Variants in KIAA1210 observed in about 807,000 individuals in gnomAD.
KIAA1210 encodes KIAA1210, also known as acrosomal protein KIAA1210.
Under a neutral mutation model 78.9 loss-of-function variants are expected in KIAA1210, and 48 were observed. The ratio of observed to expected loss-of-function variants is 0.61; its 90% CI spans 0.48 to 0.77. The LOEUF is 0.77. Ranked by LOEUF, KIAA1210 falls within the 30% of genes least tolerant of loss-of-function variation. KIAA1210 has a pLI of 0.00. For synonymous variants in KIAA1210, 406 were observed against 404.5 expected (o/e 1.00, Z -0.04); for missense variants, 1,108 against 1,100.0 (o/e 1.01, Z -0.10).
chrX:119,148,138 T>C (rs1929212327), intron 1 of KIAA1210, among the ~76,000 whole-genome samples: 1 of 111,035 alleles, frequency 9.0e-6, no homozygotes, highest in Admixed American at 9.6e-5. Context: ...AGAGACCCTG[T>C]TCAAAAACAA....
At chrX:119,105,429 G>C (rs775187570) in intron 5 of KIAA1210, among the ~76,000 whole-genome samples, 1 of 112,070 alleles carries the variant, frequency 8.9e-6, no homozygotes, top group Admixed American at 9.5e-5. Context: ...TTGCTTGTTC[G>C]TGCAAGATCA....
rs976268343 is a variant in KIAA1210 at position 119,079,480 on chromosome X, G to C, written c.*1849C>G. Reference sequence around the variant, plus strand: ...GAAAGGAAGATTTAACTAACTTCTAGTGAACCTAGATGAGATTCTAGGGTG... The same window carrying C: ...GAAAGGAAGATTTAACTAACTTCTACTGAACCTAGATGAGATTCTAGGGTG... On this transcript the variant is annotated 3_prime_UTR_variant, in exon 12 of 12. Coordinates refer to ENST00000691062, the MANE Select transcript of KIAA1210 (RefSeq NM_001394962.1). 6.2e-5 allele frequency: 7 copies of C among 112,125 alleles called. No individual in the cohort carries two copies. In the East Asian group the frequency reaches 2.0e-3, roughly 31 times the overall value. The allele number at this position is 112,125 out of a possible 1,213,427, so 9.2% of individuals were successfully genotyped here.
chrX:119,125,072 G>A (rs1190316406), intron 1 of KIAA1210, among the ~76,000 whole-genome samples: 1 of 111,760 alleles, frequency 8.9e-6, no homozygotes, highest in Non-Finnish European at 1.9e-5. Context: ...CTACAAAGCA[G>A]TTAGCAGAAA....
rs1413524372 is a variant in KIAA1210, at chrX:119,093,261, A to G, written c.955+406T>C. Among the ~76,000 whole-genome samples the G allele has an allele frequency of 2.7e-5, 3 of 112,132 alleles. No individual in the cohort carries two copies. The East Asian group carries it at 8.4e-4, about 31-fold the overall frequency. On this transcript the variant is annotated intron_variant, in intron 8 of 11. Coordinates refer to ENST00000691062, the MANE Select transcript of KIAA1210 (RefSeq NM_001394962.1). ...CTTTAAAAAAATGATTTTTTGGCCA[A>G]TTCTATTATTCCTTTCTGGTTCTGC...
At position 119,089,029 on chromosome X, in the gene KIAA1210, G is replaced by A; in HGVS notation, c.1673C>T (p.Ser558Phe). 1 of 1,211,925 alleles carries A rather than the reference G, an allele frequency of 8.3e-7. No homozygotes were observed. The highest frequency in any genetic ancestry group is 1.1e-6 in the Non-Finnish European group (1 of 895,388). ...DVQTICKEKP[S>F]GNVHQTFTAS... is the part of the protein sequence containing the mutation. The stretch of plus-strand genomic sequence containing the variant: ...TGTAAAGGTCTGGTGAACATTTCCA[G>A]AAGGCTTTTCTTTGCAGATAGTTTG... Residue 558 changes from serine (S) to phenylalanine (F), a missense_variant, in exon 9 of 12, where the codon TCT (serine) becomes TTT (phenylalanine). Ser to Phe is a radical substitution (Grantham distance 155, BLOSUM62 -2). Coordinates refer to ENST00000691062, the MANE Select transcript of KIAA1210 (RefSeq NM_001394962.1).
In KIAA1210 at chrX:119,088,489, G is replaced by A. The variant is rs1294480766; in HGVS notation, c.2213C>T (p.Pro738Leu). The A allele has an allele frequency of 8.3e-7, 1 of 1,209,096 alleles. No homozygotes were observed. The highest frequency in any genetic ancestry group is 1.1e-6 in the Non-Finnish European group (1 of 894,935). Reference protein sequence around the residue: ...DFMQQLPSRCPSQPIMNPTVQ... With the variant: ...DFMQQLPSRCLSQPIMNPTVQ... The stretch of plus-strand genomic sequence containing the variant: ...AGTAGGATTCATAATGGGCTGAGAA[G>A]GGCATCTGGAAGGCAGCTGCTGCAT... The change falls in exon 9 of 12, where the codon CCT becomes CTT. Residue 738 changes from proline (P) to leucine (L), a missense_variant. Around this residue, in one of 5 missense-constraint regions of KIAA1210, gnomAD observed 672 missense variants for 607.1 expected, o/e 1.11. Transcript: ENST00000691062.
chrX:119,089,223 G>C lies in KIAA1210; in HGVS notation c.1479C>G (p.Leu493=). Residue 493 remains leucine (L), a synonymous_variant, in exon 9 of 12, where the codon CTC becomes CTG. Coordinates refer to ENST00000691062, the MANE Select transcript of KIAA1210 (RefSeq NM_001394962.1). ...GAEKTEARAS[L]SLMVESLSTT... ...TAGAAAGGCTTTCCACCATCAGTGA[G>C]AGAGAAGCTCTGGCTTCTGTCTTCT... The C allele has an allele frequency of 8.3e-7, 1 of 1,211,486 alleles. No homozygotes were observed. The highest frequency in any genetic ancestry group is 1.1e-6 in the Non-Finnish European group (1 of 895,285).
rs1927242837 is a variant in KIAA1210, at chrX:119,088,492, C to A, written c.2210G>T (p.Cys737Phe). 4 of 1,209,314 alleles carry A rather than the reference C, an allele frequency of 3.3e-6. No homozygotes were observed. The highest frequency in any genetic ancestry group is 3.5e-5 in the African/African-American group (2 of 57,029). ...NDFMQQLPSR[C>F]PSQPIMNPTV... ...AGGATTCATAATGGGCTGAGAAGGGCATCTGGAAGGCAGCTGCTGCATAAA... is the reference window on the plus strand; with the variant it reads ...AGGATTCATAATGGGCTGAGAAGGGAATCTGGAAGGCAGCTGCTGCATAAA... The change falls in exon 9 of 12, where the codon TGC (cysteine) becomes TTC (phenylalanine). Residue 737 changes from cysteine (C) to phenylalanine (F), a missense_variant. By Grantham distance (205) the Cys-to-Phe change is radical. Transcript: ENST00000691062.
chrX:119,083,144 A>G (rs1217870363), intron 10 of KIAA1210, 24 bp from the exon 11 acceptor site: 2 of 1,129,531 alleles, frequency 1.8e-6, no homozygotes, highest in Non-Finnish European at 2.4e-6. Flanking sequence ...ATGAAAACAG[A>G]AAGCTTGTAA....
chrX:119,098,604 CAA>C (rs747325732), intron 6 of KIAA1210, among the ~76,000 whole-genome samples: 80 of 39,804 alleles, frequency 2.0e-3, no homozygotes, highest in African/African-American at 5.0e-3. Context: ...GAGACTCCGT[CAA>C]AAAAAAAAAA....
chrX:119,147,678 G>T (rs1929200564), intron 1 of KIAA1210: 2 of 978,482 alleles, frequency 2.0e-6, no homozygotes, highest in Non-Finnish European at 2.9e-6. Flanking sequence ...GCTAGCCCTG[G>T]GCCACAAGAT....
intron 7 of KIAA1210, among the ~76,000 whole-genome samples, chrX:119,095,563 T>G (rs1232312469): frequency 9.0e-6 from 1 of 111,095 alleles, no homozygotes; most frequent in East Asian, 2.8e-4. Flanking sequence ...TAATTTTGTA[T>G]TTTTAGTAGA....
chrX:119,148,273 CT>C (rs1929215234), intron 1 of KIAA1210, among the ~76,000 whole-genome samples: 1 of 111,920 alleles, frequency 8.9e-6, no homozygotes, highest in Non-Finnish European at 1.9e-5. Flanking sequence ...AGATGACAAT[CT>C]TTCCTCTATC....
At chrX:119,131,310 A>G (rs774391757), upstream of KIAA1210, among the ~76,000 whole-genome samples, 1 of 111,797 alleles carries the variant, frequency 8.9e-6, no homozygotes, top group Non-Finnish European at 1.9e-5. Flanking sequence ...AGGAGGGTTT[A>G]CATGCTCTCA....
intron 3 of KIAA1210, among the ~76,000 whole-genome samples, chrX:119,111,022 C>T (rs1928054646): frequency 1.8e-5 from 2 of 109,724 alleles, no homozygotes; most frequent in South Asian, 7.8e-4. Context: ...AGTTGGATAA[C>T]TTATACTTCA....
In KIAA1210 at chrX:119,088,048, G is replaced by A. The variant is rs772478548; in HGVS notation, c.2654C>T (p.Pro885Leu). The A allele has an allele frequency of 1.4e-5, 17 of 1,209,414 alleles. No homozygotes were observed. In the African/African-American group the frequency reaches 2.6e-4, roughly 19 times the overall value. The change falls in exon 9 of 12, where the codon CCT becomes CTT. Residue 885 changes from proline (P) to leucine (L), a missense_variant. Physicochemically the swap from Pro to Leu is moderately conservative, Grantham distance 98. This residue lies in a region of KIAA1210 where 179 missense variants were observed against 174.1 expected (regional missense o/e 1.03). Transcript: ENST00000691062. ...PRCLSQPSER[P>L]KFLDSMSTSA... Reference sequence around the variant, plus strand: ...AGTACTCATTGAGTCCAGGAACTTAGGCCTCTCCGAGGGCTGGGAAAGGCA... The same window carrying A: ...AGTACTCATTGAGTCCAGGAACTTAAGCCTCTCCGAGGGCTGGGAAAGGCA...
chrX:119,083,193 C>T, intron 10 of KIAA1210, 73 bp from the exon 11 acceptor site: 1 of 755,658 alleles, frequency 1.3e-6, no homozygotes. Context: ...ATTCAGAGGA[C>T]CATAGAGTGC....
At chrX:119,126,990 C>A (rs369738400) in intron 1 of KIAA1210, among the ~76,000 whole-genome samples, 2 of 110,760 alleles carry the variant, frequency 1.8e-5, no homozygotes, top group East Asian at 5.7e-4. Flanking sequence ...GAGAGGATCA[C>A]TTGAGCCTGG....
At chrX:119,092,584 ACT>A (rs1927406648) in intron 8 of KIAA1210, among the ~76,000 whole-genome samples, 1 of 109,950 alleles carries the variant, frequency 9.1e-6, no homozygotes, top group Non-Finnish European at 1.9e-5. Context: ...ACACGGTGAA[ACT>A]CCCTCTCTAC....
Sources: gnomAD v4.1 joint callset for allele counts (sites outside exome capture counted in the v4.1 genomes callset) on GRCh38, gnomAD v4.1.1 for gene constraint, gnomAD v4.1.1 regional missense constraint, MANE v1.5 for transcripts, NCBI Gene and HGNC (gene_info 2026-07-23, HGNC 2026-07-21) for gene names.